Variants in PDSS2 observed in about 807,000 individuals in gnomAD.
PDSS2 encodes decaprenyl diphosphate synthase subunit 2, also known as all trans-polyprenyl-diphosphate synthase PDSS2.
Under a neutral mutation model 44.5 loss-of-function variants are expected in PDSS2, and 31 were observed. The ratio of observed to expected loss-of-function variants is 0.70; its 90% CI spans 0.52 to 0.94. The LOEUF (loss-of-function observed/expected upper bound fraction) is 0.94, where lower values mean the gene tolerates loss of function less well. Among genes scored for constraint, PDSS2 ranks in the 40% least tolerant of loss-of-function variants. The pLI is 0.00. For synonymous variants in PDSS2, 157 were observed against 180.3 expected, an observed-to-expected ratio of 0.87 and a Z score of 1.03; for missense variants, 452 against 482.2, an observed-to-expected ratio of 0.94 and a Z score of 0.59.
chr6:107,447,391 C>A (rs1428025829), intron 1 of PDSS2, among the ~76,000 whole-genome samples: 2 of 152,138 alleles, frequency 1.3e-5, no homozygotes, highest in Admixed American at 6.5e-5. Context: ...ACACATCTCT[C>A]TGGGGCTACA....
chr6:107,229,218 C>A (rs772390849), intron 4 of PDSS2, among the ~76,000 whole-genome samples: 2 of 152,086 alleles, frequency 1.3e-5, no homozygotes, highest in South Asian at 4.1e-4. Flanking sequence ...ACGTTGTCTT[C>A]CTCTGTCGCC....
chr6:107,337,511 C>T (rs749100152), intron 1 of PDSS2, among the ~76,000 whole-genome samples: 19 of 152,130 alleles, frequency 1.2e-4, no homozygotes, highest in Non-Finnish European at 2.5e-4. Flanking sequence ...AAGGCTATGA[C>T]CTCTTGTATA....
At chr6:107,430,943 T>C (rs572654982) in intron 1 of PDSS2, among the ~76,000 whole-genome samples, 71 of 152,374 alleles carry the variant, frequency 4.7e-4, no homozygotes, top group African/African-American at 1.7e-3. Flanking sequence ...AAAAAATTAA[T>C]CGATATTTTG....
At chr6:107,369,401 G>A (rs949631951) in intron 1 of PDSS2, among the ~76,000 whole-genome samples, 1 of 151,800 alleles carries the variant, frequency 6.6e-6, no homozygotes, top group Non-Finnish European at 1.5e-5. Context: ...CTGGGCAACA[G>A]AGTGAGACTC....
intron 2 of PDSS2, among the ~76,000 whole-genome samples, chr6:107,332,163 G>A (rs1180258778): frequency 1.3e-5 from 2 of 150,884 alleles, no homozygotes; most frequent in Non-Finnish European, 2.9e-5. Context: ...GGAATGCAAT[G>A]GCGCAATCTT....
chr6:107,434,088 C>T (rs977553964), intron 1 of PDSS2, among the ~76,000 whole-genome samples: 2 of 152,070 alleles, frequency 1.3e-5, no homozygotes, highest in Admixed American at 1.3e-4. Flanking sequence ...TGGCTTTCAT[C>T]AAAAGATAAG....
At chr6:107,341,559 G>A (rs982920783) in intron 1 of PDSS2, among the ~76,000 whole-genome samples, 1 of 152,100 alleles carries the variant, frequency 6.6e-6, no homozygotes, top group East Asian at 1.9e-4. Context: ...AAGAAGAGAA[G>A]GGAAGGGAAT....
At chr6:107,257,807 C>G (rs1775075385) in intron 3 of PDSS2, among the ~76,000 whole-genome samples, 1 of 151,988 alleles carries the variant, frequency 6.6e-6, no homozygotes, top group Non-Finnish European at 1.5e-5. Context: ...TTAGTAGATA[C>G]AGAGTTTTGC....
At chr6:107,361,502 C>T (rs1218121830) in intron 1 of PDSS2, among the ~76,000 whole-genome samples, 1 of 152,168 alleles carries the variant, frequency 6.6e-6, no homozygotes, top group African/African-American at 2.4e-5. Flanking sequence ...ACATTTTCTA[C>T]TTGACCCTAC....
intron 1 of PDSS2, among the ~76,000 whole-genome samples, chr6:107,394,737 C>T (rs180721016): frequency 5.7e-4 from 87 of 152,304 alleles, no homozygotes; most frequent in Non-Finnish European, 9.3e-4. Context: ...TCCTCTCCTA[C>T]CCTTTATCTT....
At chr6:107,311,169 G>C (rs895008875) in intron 2 of PDSS2, among the ~76,000 whole-genome samples, 3 of 150,140 alleles carry the variant, frequency 2.0e-5, no homozygotes, top group Non-Finnish European at 4.4e-5. Context: ...ACCTGCCTTG[G>C]GCTCCCAAAA....
intron 4 of PDSS2, among the ~76,000 whole-genome samples, chr6:107,227,278 CTTTTTTTTTT>C (rs60988844): frequency 9.7e-5 from 10 of 102,818 alleles, no homozygotes; most frequent in East Asian, 5.4e-4. Context: ...CCACTGTGCC[CTTTTTTTTTT>C]TTTTTTTTTT....
intron 7 of PDSS2, among the ~76,000 whole-genome samples, chr6:107,185,638 T>C (rs1475977101): frequency 6.6e-6 from 1 of 152,224 alleles, no homozygotes; most frequent in East Asian, 1.9e-4. Context: ...TCGATGTTTT[T>C]CTAAGCAAGA....
chr6:107,159,223 C>T (rs1582710685), intron 7 of PDSS2, among the ~76,000 whole-genome samples: 1 of 149,000 alleles, frequency 6.7e-6, no homozygotes, highest in Non-Finnish European at 1.5e-5. Context: ...TCTATTTTGA[C>T]GTGATATACA....
At chr6:107,197,263 AG>A (rs35169458) in intron 6 of PDSS2, among the ~76,000 whole-genome samples, 44 of 97,512 alleles carry the variant, frequency 4.5e-4, no homozygotes, top group African/African-American at 1.3e-3. Flanking sequence ...GGGTGGGGTA[AG>A]GGGGGGGTGC....
intron 3 of PDSS2, among the ~76,000 whole-genome samples, chr6:107,246,529 T>C (rs1247468429): frequency 1.3e-5 from 2 of 152,214 alleles, no homozygotes; most frequent in African/African-American, 4.8e-5. Flanking sequence ...TTCAGCTCCA[T>C]TCTGATTGAA....
intron 1 of PDSS2, among the ~76,000 whole-genome samples, chr6:107,370,784 T>C (rs1779105703): frequency 6.6e-6 from 1 of 152,330 alleles, no homozygotes; most frequent in Non-Finnish European, 1.5e-5. Context: ...TAGTTCTTGA[T>C]GATGCTCAGA....
chr6:107,161,333 AGCCAGGCGTGGTGCCGGG>A (rs1241484806), intron 7 of PDSS2, among the ~76,000 whole-genome samples: 1 of 152,014 alleles, frequency 6.6e-6, no homozygotes, highest in Non-Finnish European at 1.5e-5. Flanking sequence ...ACAAAAAATT[AGCCAGGCGTGGTGCCGGG>A]CGCCTGTAGT....
chr6:107,434,419 C>G (rs1781287439), intron 1 of PDSS2, among the ~76,000 whole-genome samples: 1 of 152,114 alleles, frequency 6.6e-6, no homozygotes, highest in Admixed American at 6.6e-5. Flanking sequence ...AGTATTTATT[C>G]AGTCAGAAAA....
Sources: gnomAD v4.1 joint callset for allele counts (sites outside exome capture counted in the v4.1 genomes callset) on GRCh38, gnomAD v4.1.1 for gene constraint, MANE v1.5 for transcripts, NCBI Gene and HGNC (gene_info 2026-07-23, HGNC 2026-07-21) for gene names.